FLRT1: variants seen among roughly 807,000 people sequenced by gnomAD.
FLRT1 encodes the protein leucine-rich repeat transmembrane protein FLRT1.
In FLRT1, 14 loss-of-function variants were observed where a neutral mutation model predicts 30.9. The ratio of observed to expected loss-of-function variants is 0.45; its 90% CI spans 0.30 to 0.71. FLRT1 has a LOEUF of 0.71. Among genes scored for constraint, FLRT1 ranks in the 30% least tolerant of loss-of-function variants. The pLI, the probability that FLRT1 is intolerant of heterozygous loss-of-function variation, is 0.08. For synonymous variants in FLRT1, 368 were observed against 430.4 expected (o/e 0.85, Z 1.80); for missense variants, 737 against 949.2 (o/e 0.78, Z 2.94).
At position 64,090,280 on chromosome 11, in the gene FLRT1, C is replaced by T. The variant is rs755303026; in HGVS notation, c.-1037-12914C>T. 2.0e-5 allele frequency among the ~76,000 whole-genome samples: 3 copies of T among 152,170 alleles called. No homozygotes were observed. The highest frequency in any genetic ancestry group is 4.8e-5 in the African/African-American group (2 of 41,438). On this transcript the variant is annotated intron_variant, in intron 1 of 2. Coordinates refer to ENST00000682287, the MANE Select transcript of FLRT1 (RefSeq NM_013280.5). This position sits in a 1 kb window ranked among gnomAD's most constrained non-coding sequence, Gnocchi z 4.7. ...GCTCATCCTCGGGAAATGCATCGTGCGTTGCTTTTCCCGTCTGGGAGTCTA... is the reference window on the plus strand; with the variant it reads ...GCTCATCCTCGGGAAATGCATCGTGTGTTGCTTTTCCCGTCTGGGAGTCTA...
intron 2 of FLRT1, among the ~76,000 whole-genome samples, chr11:64,111,226 G>C (rs1003286522): frequency 6.6e-6 from 1 of 152,208 alleles, no homozygotes; most frequent in Non-Finnish European, 1.5e-5. Flanking sequence ...CCCCTACTTA[G>C]GGCACTGCTC....
Position 64,117,141 on chromosome 11 carries a change from A to G in FLRT1, c.874A>G (p.Lys292Glu), listed in dbSNP as rs770643761. 12 of 1,613,646 alleles carry G rather than the reference A, an allele frequency of 7.4e-6. No individual in the cohort carries two copies. Among genetic ancestry groups the G allele is most frequent in the Non-Finnish European group, 1.0e-5 (12 of 1,179,798 alleles). ...ISHIPYNTLA[K>E]MRELERLDLS... is the part of the protein sequence containing the mutation. ...CCACATCCCCTACAACACGCTGGCC[A>G]AGATGCGTGAGCTGGAGCGGCTGGA... The change falls in exon 3 of 3, where the codon AAG becomes GAG. Residue 292 changes from lysine to glutamate, a missense_variant. By Grantham distance (56) the Lys-to-Glu change is moderately conservative (BLOSUM62 1). Coordinates refer to ENST00000682287, the MANE Select transcript of FLRT1 (RefSeq NM_013280.5).
At chr11:64,112,117 CT>C (rs984541840) in intron 2 of FLRT1, among the ~76,000 whole-genome samples, 7 of 152,236 alleles carry the variant, frequency 4.6e-5, no homozygotes, top group Non-Finnish European at 8.8e-5. Context: ...ACAGTTTCTC[CT>C]TTGAAATCTT....
At chr11:64,058,389 A>G (rs1352386204) in intron 1 of FLRT1, among the ~76,000 whole-genome samples, 4 of 152,018 alleles carry the variant, frequency 2.6e-5, no homozygotes, top group Admixed American at 2.6e-4. Flanking sequence ...AGTCACCTGC[A>G]GGTGAGGAGG....
chr11:64,117,504 A>G lies in FLRT1; in HGVS notation c.1237A>G (p.Lys413Glu). 6.2e-7 allele frequency: 1 copy of G among 1,608,852 alleles called. No individual in the cohort carries two copies. Among genetic ancestry groups the G allele is most frequent in the South Asian group, 1.1e-5 (1 of 90,626 alleles). The change falls in exon 3 of 3, where the codon AAG (lysine) becomes GAG (glutamate). Residue 413 changes from lysine to glutamate, a missense_variant. Coordinates refer to ENST00000682287, the MANE Select transcript of FLRT1 (RefSeq NM_013280.5). ...TTPQGSLFTLKAKRPGLRLPD... is the reference protein window; with the variant it reads ...TTPQGSLFTLEAKRPGLRLPD... ...GCCCCAGGGTTCCCTGTTTACCCTC[A>G]AGGCCAAAAGGCCAGGGCTGCGCCT...
chr11:64,085,077 G>C (rs142121302), intron 1 of FLRT1, among the ~76,000 whole-genome samples: 1 of 152,338 alleles, frequency 6.6e-6, no homozygotes, highest in Non-Finnish European at 1.5e-5. Flanking sequence ...TCATTGCACA[G>C]ATCCCCCAAC....
At chr11:64,102,610 T>C (rs77558699) in intron 1 of FLRT1, among the ~76,000 whole-genome samples, 1,651 of 152,280 alleles carry the variant, frequency 0.011, 33 homozygotes, top group African/African-American at 0.038. Flanking sequence ...CTCGAAAAAC[T>C]TCATTTTTCT....
At position 64,077,799 on chromosome 11, in the gene FLRT1, G is replaced by A. The variant is rs547487771; in HGVS notation, c.-1037-25395G>A. Among the ~76,000 whole-genome samples, 683 of 152,328 alleles carry A rather than the reference G, an allele frequency of 4.5e-3. 1 individual carries two copies. The highest frequency in any genetic ancestry group is 0.016 in the African/African-American group (646 of 41,580). The stretch of plus-strand genomic sequence containing the variant: ...TGGACTGGGCCCTGGCTGGGCCTCC[G>A]GCCGCCGCTCGGACATTTGGGCAAG... On this transcript the variant is annotated intron_variant, in intron 1 of 2. Coordinates refer to ENST00000682287, the MANE Select transcript of FLRT1 (RefSeq NM_013280.5).
At chr11:64,070,526 C>CT (rs1944087736) in intron 1 of FLRT1, among the ~76,000 whole-genome samples, 1 of 152,176 alleles carries the variant, frequency 6.6e-6, no homozygotes, top group Non-Finnish European at 1.5e-5. Context: ...GGAAGGCTGC[C>CT]CGAGAGCAGA....
chr11:64,117,688 GC>G lies in FLRT1; in HGVS notation c.1424del (p.Pro475GlnfsTer20). ...CTCAGTTGGCTGCGCCTGGGCCACA[GC>G]CCAGCCGTGGGCTCCATCACGGAGA... ...FRLSWLRLGH[S>X]PAVGSITETL... On this transcript the variant is annotated frameshift_variant, in exon 3 of 3. Transcript: ENST00000682287. LOFTEE classifies it high-confidence loss of function. The G allele has an allele frequency of 6.2e-7, 1 of 1,613,632 alleles. No homozygotes were observed. The highest frequency in any genetic ancestry group is 8.5e-7 in the Non-Finnish European group (1 of 1,179,992).
chr11:64,044,251 CTT>C (rs34174027), intron 1 of FLRT1, among the ~76,000 whole-genome samples: 27 of 140,346 alleles, frequency 1.9e-4, no homozygotes, highest in Non-Finnish European at 1.6e-4. Context: ...CCCCCAACAA[CTT>C]TTTTTTTTTT....
intron 1 of FLRT1, among the ~76,000 whole-genome samples, chr11:64,084,668 G>T (rs543284268): frequency 6.6e-6 from 1 of 152,360 alleles, no homozygotes; most frequent in East Asian, 1.9e-4. Context: ...TGATGGGCAG[G>T]TTGGGCAGGG....
intron 1 of FLRT1, among the ~76,000 whole-genome samples, chr11:64,081,173 C>G (rs1040277535): frequency 3.3e-5 from 5 of 152,188 alleles, no homozygotes; most frequent in African/African-American, 1.2e-4. Flanking sequence ...AGGTGTCCAC[C>G]ACCATGCCTA....
chr11:64,094,285 A>C (rs1395205564), intron 1 of FLRT1, among the ~76,000 whole-genome samples: 1 of 152,190 alleles, frequency 6.6e-6, no homozygotes, highest in African/African-American at 2.4e-5. Flanking sequence ...AAAAAAAGTT[A>C]GCCGGGCATG....
intron 1 of FLRT1, among the ~76,000 whole-genome samples, chr11:64,053,881 C>T (rs1943737665): frequency 6.6e-6 from 1 of 152,104 alleles, no homozygotes; most frequent in African/African-American, 2.4e-5. Context: ...GATGCAAGGC[C>T]GCATACCCGG....
At chr11:64,107,478 T>C (rs1429495289) in intron 2 of FLRT1, among the ~76,000 whole-genome samples, 1 of 152,246 alleles carries the variant, frequency 6.6e-6, no homozygotes, top group African/African-American at 2.4e-5. Context: ...TCCCGCCGCC[T>C]GGCACCAGCG....
At chr11:64,069,962 G>A (rs903943540) in intron 1 of FLRT1, among the ~76,000 whole-genome samples, 1 of 152,060 alleles carries the variant, frequency 6.6e-6, no homozygotes, top group Non-Finnish European at 1.5e-5. Flanking sequence ...TGGGATCAAT[G>A]TCCCTCTGCA....
At chr11:64,038,145 G>A (rs1027306454) in intron 1 of FLRT1, among the ~76,000 whole-genome samples, 6 of 152,084 alleles carry the variant, frequency 3.9e-5, no homozygotes, top group African/African-American at 1.2e-4. Context: ...TGGGAGGTCC[G>A]CCCAGCTGTT....
At chr11:64,041,809 AG>A (rs986844088) in intron 1 of FLRT1, among the ~76,000 whole-genome samples, 3 of 152,002 alleles carry the variant, frequency 2.0e-5, no homozygotes, top group African/African-American at 7.2e-5. Context: ...TCTGGCTGTT[AG>A]GGGGTGGGTG....
Sources: gnomAD v4.1 joint callset for allele counts (sites outside exome capture counted in the v4.1 genomes callset) on GRCh38, gnomAD v4.1.1 for gene constraint, Gnocchi (gnomAD v3.1) non-coding constraint, MANE v1.5 for transcripts, NCBI Gene and HGNC (gene_info 2026-07-23, HGNC 2026-07-21) for gene names.